The following CELF4 variants were observed in gnomAD, a reference collection of about 807,000 sequenced individuals.
CELF4 encodes CUG-BP- and ETR-3-like factor 4.
Under a neutral mutation model 59.9 loss-of-function variants are expected in CELF4, and 18 were observed. The ratio of observed to expected loss-of-function variants is 0.30; its 90% CI spans 0.21 to 0.45. The LOEUF is 0.45. Among genes scored for constraint, CELF4 ranks in the 20% least tolerant of loss-of-function variants. CELF4 has a pLI of 1.00. For missense variants in CELF4, 456 were observed against 689.0 expected, an observed-to-expected ratio of 0.66 and a Z score of 3.79; for synonymous variants, 261 against 267.1, an observed-to-expected ratio of 0.98 and a Z score of 0.22.
chr18:37,470,565 T>C (rs1327467334), intron 2 of CELF4, among the ~76,000 whole-genome samples: 2 of 152,178 alleles, frequency 1.3e-5, no homozygotes, highest in Non-Finnish European at 2.9e-5. Flanking sequence ...AGCAGCGCTG[T>C]GTCCAACTGT....
At chr18:37,278,186 T>C (rs1355609763) in intron 3 of CELF4, among the ~76,000 whole-genome samples, 1 of 152,098 alleles carries the variant, frequency 6.6e-6, no homozygotes, top group Non-Finnish European at 1.5e-5. Flanking sequence ...GAGGCCTTTC[T>C]AAACATATAA....
At chr18:37,516,190 C>T (rs1201374539) in intron 1 of CELF4, among the ~76,000 whole-genome samples, 1 of 152,176 alleles carries the variant, frequency 6.6e-6, no homozygotes, top group African/African-American at 2.4e-5. Flanking sequence ...CCCAACATCC[C>T]TTCCTGCCCC....
chr18:37,513,455 G>A (rs569986862), intron 1 of CELF4, among the ~76,000 whole-genome samples: 1 of 152,266 alleles, frequency 6.6e-6, no homozygotes, highest in East Asian at 1.9e-4. Flanking sequence ...TCCATGGATT[G>A]GCAGCAATAT....
chr18:37,257,872 G>A (rs1434843870), intron 11 of CELF4, among the ~76,000 whole-genome samples: 1 of 152,200 alleles, frequency 6.6e-6, no homozygotes, highest in African/African-American at 2.4e-5. Context: ...GGATGAAGGA[G>A]AAGGATGAGG....
At chr18:37,539,252 G>C (rs2099975904) in intron 1 of CELF4, among the ~76,000 whole-genome samples, 1 of 152,136 alleles carries the variant, frequency 6.6e-6, no homozygotes, top group Non-Finnish European at 1.5e-5. Flanking sequence ...CTCAACAATG[G>C]CTCTGTTATT....
At chr18:37,334,700 G>A (rs887448792) in intron 2 of CELF4, among the ~76,000 whole-genome samples, 1 of 151,852 alleles carries the variant, frequency 6.6e-6, no homozygotes, top group Non-Finnish European at 1.5e-5. Context: ...AGGTGTCCTG[G>A]TTCCACCCTC....
chr18:37,356,246 T>C (rs1288682625), intron 2 of CELF4, among the ~76,000 whole-genome samples: 3 of 152,254 alleles, frequency 2.0e-5, no homozygotes, highest in Non-Finnish European at 4.4e-5. Flanking sequence ...TATGTGGCAC[T>C]CATCCGCTTT....
intron 2 of CELF4, among the ~76,000 whole-genome samples, chr18:37,418,126 C>T (rs1396982973): frequency 6.6e-6 from 1 of 152,208 alleles, no homozygotes; most frequent in Non-Finnish European, 1.5e-5. Context: ...CCCCAGTTCT[C>T]TTTCTGTCCT....
chr18:37,329,866 C>T (rs1467635068), intron 2 of CELF4, among the ~76,000 whole-genome samples: 1 of 152,232 alleles, frequency 6.6e-6, no homozygotes, highest in Non-Finnish European at 1.5e-5. Context: ...GTGGCCTGCC[C>T]ATGACGCTGA....
In CELF4 at chr18:37,517,093, G is replaced by C. The variant is rs143054379; in HGVS notation, c.287-31486C>G. Among the ~76,000 whole-genome samples, 884 of 152,272 alleles carry C rather than the reference G, an allele frequency of 5.8e-3. 17 individuals are homozygous for C. The highest frequency in any genetic ancestry group is 0.054 in the South Asian group (258 of 4,822). On this transcript the variant is annotated intron_variant, in intron 1 of 12. Transcript: ENST00000420428. Reference sequence around the variant, plus strand: ...ATGGGTGAGGCAACTGGCTCTGCAGGCTTCTGCCTTCTACTTAGCACTGAG... The same window carrying C: ...ATGGGTGAGGCAACTGGCTCTGCAGCCTTCTGCCTTCTACTTAGCACTGAG...
At chr18:37,565,321 T>A (rs1368436939) in intron 1 of CELF4, 35 bp downstream of exon 1, 10 of 1,467,496 alleles carry the variant, frequency 6.8e-6, no homozygotes, top group Non-Finnish European at 9.1e-6. Context: ...CCGCTCCTGC[T>A]CCCCGGCAAA....
chr18:37,556,383 G>C (rs7231520), intron 1 of CELF4, among the ~76,000 whole-genome samples: 128,907 of 152,258 alleles, frequency 0.85, 57,708 homozygotes, highest in Non-Finnish European at 0.98. Context: ...TGAGCTCAGG[G>C]TCTCAACCTT....
chr18:37,357,776 A>T (rs539664374), intron 2 of CELF4, among the ~76,000 whole-genome samples: 1 of 152,354 alleles, frequency 6.6e-6, no homozygotes, highest in Admixed American at 6.5e-5. Context: ...CTCTTGCATC[A>T]GCATGACCTG....
At chr18:37,351,909 G>A (rs1358396369) in intron 2 of CELF4, among the ~76,000 whole-genome samples, 2 of 152,102 alleles carry the variant, frequency 1.3e-5, no homozygotes, top group East Asian at 1.9e-4. Flanking sequence ...AGCCACCACC[G>A]AACCTGGCCC....
intron 2 of CELF4, among the ~76,000 whole-genome samples, chr18:37,455,524 C>T (rs2099775820): frequency 1.3e-5 from 2 of 152,186 alleles, no homozygotes; most frequent in South Asian, 4.1e-4. Context: ...ATGAGAAGCC[C>T]CTCTCTTTCC....
intron 2 of CELF4, among the ~76,000 whole-genome samples, chr18:37,383,951 TG>T (rs1431250041): frequency 6.6e-6 from 1 of 150,848 alleles, no homozygotes; most frequent in Non-Finnish European, 1.5e-5. Context: ...GGTGAGGGGG[TG>T]GGGGGCGGTG....
At chr18:37,423,115 G>C (rs1444845052) in intron 2 of CELF4, among the ~76,000 whole-genome samples, 2 of 151,736 alleles carry the variant, frequency 1.3e-5, no homozygotes, top group East Asian at 3.9e-4. Context: ...CAGACAGACA[G>C]ACAGACAGAG....
At position 37,555,857 on chromosome 18, in the gene CELF4, T is replaced by G. The variant is rs536028833; in HGVS notation, c.286+9499A>C. Among the ~76,000 whole-genome samples the G allele has an allele frequency of 2.6e-5, 4 of 152,270 alleles. No homozygotes were observed. The South Asian group carries it at 8.3e-4, about 32-fold the overall frequency. On this transcript the variant is annotated intron_variant, in intron 1 of 12. Coordinates refer to ENST00000420428, the MANE Select transcript of CELF4 (RefSeq NM_020180.4). ...ATGAACTGGTGTGGGTACCATGGCATGTGGTATGCAAAAGAATGTGTGCGC... is the reference window on the plus strand; with the variant it reads ...ATGAACTGGTGTGGGTACCATGGCAGGTGGTATGCAAAAGAATGTGTGCGC...
At chr18:37,556,437 AG>A (rs1388025338) in intron 1 of CELF4, among the ~76,000 whole-genome samples, 8 of 152,272 alleles carry the variant, frequency 5.3e-5, no homozygotes, top group Non-Finnish European at 7.3e-5. Flanking sequence ...GCATGCCAGC[AG>A]GCCTGATTTA....
Sources: gnomAD v4.1 joint callset for allele counts (sites outside exome capture counted in the v4.1 genomes callset) on GRCh38, gnomAD v4.1.1 for gene constraint, MANE v1.5 for transcripts, NCBI Gene and HGNC (gene_info 2026-07-23, HGNC 2026-07-21) for gene names.